ABCC8: variants seen among roughly 807,000 people sequenced by gnomAD.
ABCC8 encodes the protein ATP binding cassette subfamily C member 8.
In ABCC8, 137 loss-of-function variants were observed where a neutral mutation model predicts 188.0. That is an observed-to-expected ratio of 0.73 (90% confidence interval 0.63 to 0.84). ABCC8 has a LOEUF of 0.84. Ranked by LOEUF, ABCC8 falls within the 40% of genes least tolerant of loss-of-function variation. The pLI is 0.00. For synonymous variants in ABCC8, 797 were observed against 846.5 expected (o/e 0.94, Z 1.01); for missense variants, 1,750 against 2,072.7 (o/e 0.84, Z 3.02).
At chr11:17,436,295 T>G (rs971864165) in intron 10 of ABCC8, 3 of 390,466 alleles carry the variant, frequency 7.7e-6, no homozygotes, top group Admixed American at 3.7e-5. Flanking sequence ...AGTCTGGGGT[T>G]GTTACAGGCT....
Position 17,406,653 on chromosome 11 carries a change from G to A in ABCC8, c.3298C>T (p.Leu1100=). ...LKVAKRLHRS[L]LNRIILAPMR... is the part of the protein sequence containing the mutation. ...GGGGCTAGGATGATCCGGTTTAGCA[G>A]GCTGCGGTGCAGTCTCTTGGCCACC... is the stretch of plus-strand genomic sequence containing the variant. The change falls in exon 26 of 39, where the codon CTG becomes TTG. Residue 1100 remains leucine (L), a synonymous_variant. Transcript: ENST00000389817. 2 of 1,614,226 alleles carry A rather than the reference G, an allele frequency of 1.2e-6. No individual in the cohort carries two copies. The highest frequency in any genetic ancestry group is 1.7e-6 in the Non-Finnish European group (2 of 1,180,036).
In ABCC8 at chr11:17,404,629, A is replaced by G. The variant is rs1262517518; in HGVS notation, c.3440T>C (p.Leu1147Pro). The G allele has an allele frequency of 6.2e-7, 1 of 1,613,398 alleles. No individual in the cohort carries two copies. Among genetic ancestry groups the G allele is most frequent in the Admixed American group, 1.7e-5 (1 of 59,960 alleles). The stretch of plus-strand genomic sequence containing the variant: ...GACGGCCAGGGCTGAGACACAGAGC[A>G]GGGTGGAGCGGCTCAGGCACTCCAG... ...STLECLSRST[L>P]LCVSALAVIS... Residue 1147 changes from leucine (L) to proline (P), a missense_variant, in exon 28 of 39, where the codon CTG becomes CCG. Coordinates refer to ENST00000389817, the MANE Select transcript of ABCC8 (RefSeq NM_000352.6). This position sits in a 1 kb window ranked among gnomAD's most constrained non-coding sequence, Gnocchi z 4.7.
intron 5 of ABCC8, 126 bp from the exon 6 acceptor site, chr11:17,460,802 G>A: frequency 2.0e-6 from 3 of 1,526,754 alleles, no homozygotes; most frequent in Non-Finnish European, 2.6e-6. Flanking sequence ...TCTGCAAATA[G>A]GTGAACTCCA....
In ABCC8 at chr11:17,427,999, TGAATA is replaced by T; in HGVS notation, c.2041-62_2041-58del. The stretch of plus-strand genomic sequence containing the variant: ...GAACAGAAAGGCAGCCAGTTCCCAG[TGAATA>T]GTCTCTGGCTTCCCCTCCTCCATGA... On this transcript the variant is annotated intron_variant, in intron 14 of 38. Coordinates refer to ENST00000389817, the MANE Select transcript of ABCC8 (RefSeq NM_000352.6). This position sits in a 1 kb window ranked among gnomAD's most constrained non-coding sequence, Gnocchi z 5.0. 6.3e-7 allele frequency: 1 copy of T among 1,597,826 alleles called. No homozygotes were observed.
In ABCC8 at chr11:17,442,799, G is replaced by A. The variant is rs1279186188; in HGVS notation, c.1551C>T (p.Ile517=). The A allele has an allele frequency of 7.4e-6, 12 of 1,614,028 alleles. No homozygotes were observed. Among genetic ancestry groups the A allele is most frequent in the African/African-American group, 1.3e-5 (1 of 74,940 alleles). The change falls in exon 10 of 39, where the codon ATC becomes ATT. Residue 517 remains isoleucine, a synonymous_variant. Transcript: ENST00000389817. ...KLLKLYAWEN[I]FRTRVETTRR... is the part of the protein sequence containing the mutation. ...GGGTCGTCTCCACCCGCGTGCGGAA[G>A]ATGTTCTCCCAGGCGTACAGCTTCA... is the stretch of plus-strand genomic sequence containing the variant.
At chr11:17,400,120 C>T (rs1954160067) in intron 29 of ABCC8, among the ~76,000 whole-genome samples, 1 of 152,170 alleles carries the variant, frequency 6.6e-6, no homozygotes, top group South Asian at 2.1e-4. Context: ...TGCTTTTCAC[C>T]CTGGAAGGTG....
chr11:17,428,821 G>T, intron 12 of ABCC8, 151 bp from the exon 13 acceptor site: 1 of 1,409,454 alleles, frequency 7.1e-7, no homozygotes. Flanking sequence ...CAGTGGGCAT[G>T]GGGGCAGGTA....
chr11:17,415,004 C>CA (rs1478677596), intron 18 of ABCC8, among the ~76,000 whole-genome samples: 24 of 141,796 alleles, frequency 1.7e-4, no homozygotes, highest in Admixed American at 1.6e-3. Flanking sequence ...AATGGAAGAA[C>CA]TTTTTTTTTT....
At chr11:17,430,789 G>A in intron 12 of ABCC8, 25 bp downstream of exon 12, 1 of 1,611,208 alleles carries the variant, frequency 6.2e-7, no homozygotes, top group Non-Finnish European at 8.5e-7. Context: ...CCTGCCCAGT[G>A]CCCTCGCCCG....
intron 10 of ABCC8, among the ~76,000 whole-genome samples, chr11:17,434,984 C>CGCGCGCGTGT (rs71457876): frequency 7.6e-4 from 110 of 144,762 alleles, no homozygotes; most frequent in Middle Eastern, 3.4e-3. Context: ...CGTGTGTTCG[C>CGCGCGCGTGT]GTGTGTGTGT....
intron 6 of ABCC8, among the ~76,000 whole-genome samples, chr11:17,459,553 G>C (rs970803288): frequency 1.3e-5 from 2 of 152,166 alleles, no homozygotes; most frequent in East Asian, 1.9e-4. Flanking sequence ...CAAATGTTAC[G>C]CAAAGGGTGT....
At position 17,405,408 on chromosome 11, in the gene ABCC8, T is replaced by C. The variant is rs563310530; in HGVS notation, c.3399+86A>G. 2.2e-4 allele frequency: 351 copies of C among 1,592,854 alleles called. 1 individual carries two copies. In the African/African-American group the frequency reaches 2.3e-3, roughly 11 times the overall value. ...CCCAGAGGGCTGTGATCACCTGATC[T>C]GGGGAACCCAGCCTCAGACAGGAGA... On this transcript the variant is annotated intron_variant, in intron 27 of 38. Coordinates refer to ENST00000389817, the MANE Select transcript of ABCC8 (RefSeq NM_000352.6).
chr11:17,463,871 G>A (rs951375553), intron 3 of ABCC8, among the ~76,000 whole-genome samples: 5 of 152,172 alleles, frequency 3.3e-5, no homozygotes, highest in Non-Finnish European at 5.9e-5. Context: ...AATGATCATG[G>A]GAAGAATGGG....
chr11:17,395,663 G>A lies in ABCC8; in HGVS notation c.4254C>T (p.Arg1418=). ...DIAKLPLHTL[R]SRLSIILQDP... ...CCTGCAGGATGATGGAGAGGCGTGA[G>A]CGCAGGGTGTGCAGCGGCAGTTTGG... Residue 1418 remains arginine (R), a synonymous_variant, in exon 35 of 39, where the codon CGC becomes CGT. Coordinates refer to ENST00000389817, the MANE Select transcript of ABCC8 (RefSeq NM_000352.6). 1 of 1,561,074 alleles carries A rather than the reference G, an allele frequency of 6.4e-7. No individual in the cohort carries two copies. Among genetic ancestry groups the A allele is most frequent in the Non-Finnish European group, 8.7e-7 (1 of 1,152,508 alleles).
intron 10 of ABCC8, among the ~76,000 whole-genome samples, chr11:17,434,305 G>A (rs1475583972): frequency 6.6e-6 from 1 of 152,228 alleles, no homozygotes; most frequent in East Asian, 1.9e-4. Context: ...AAAATAGGCT[G>A]AGTGTTGGAT....
intron 7 of ABCC8, among the ~76,000 whole-genome samples, chr11:17,451,246 G>T (rs1274136904): frequency 6.6e-6 from 1 of 152,218 alleles, no homozygotes; most frequent in Non-Finnish European, 1.5e-5. Flanking sequence ...GTCACTGGAG[G>T]GGTGTGAGGA....
At chr11:17,416,848 T>C in intron 17 of ABCC8, 82 bp downstream of exon 17, 3 of 1,564,058 alleles carry the variant, frequency 1.9e-6, no homozygotes, top group South Asian at 1.1e-5. Context: ...ATACTCAGCA[T>C]TACCCACCCA....
At chr11:17,429,591 G>A (rs1369909527) in intron 12 of ABCC8, 3 of 152,240 alleles carry the variant, frequency 2.0e-5, no homozygotes, top group Non-Finnish European at 2.9e-5. Context: ...TGCTACTCTG[G>A]TGTTCCATTC....
intron 2 of ABCC8, among the ~76,000 whole-genome samples, chr11:17,472,223 G>T (rs1271463358): frequency 1.3e-5 from 2 of 152,142 alleles, no homozygotes; most frequent in Non-Finnish European, 2.9e-5. Flanking sequence ...GTTTTTAGCT[G>T]CTTTGTTAAA....
Sources: allele counts gnomAD v4.1 joint callset (sites outside exome capture counted in the v4.1 genomes callset), GRCh38; gene constraint gnomAD v4.1.1; non-coding constraint Gnocchi (gnomAD v3.1); transcripts MANE v1.5; gene names NCBI Gene and HGNC (gene_info 2026-07-23, HGNC 2026-07-21).